Variants in LRRIQ1 observed in about 807,000 individuals in gnomAD.
The protein encoded by LRRIQ1 is leucine-rich repeat- and IQ domain-containing protein 1.
Under a neutral mutation model 211.9 loss-of-function variants are expected in LRRIQ1, and 210 were observed. That is an observed-to-expected ratio of 0.99 (90% CI 0.89 to 1.11). LRRIQ1 has a LOEUF of 1.11. Ranked by LOEUF, LRRIQ1 falls within the 50% of genes most tolerant of loss-of-function variation. The pLI is 0.00. For missense variants in LRRIQ1, 2,136 were observed against 1,939.5 expected, an observed-to-expected ratio of 1.10 and a Z score of -1.90; for synonymous variants, 699 against 650.1, an observed-to-expected ratio of 1.08 and a Z score of -1.14.
chr12:85,207,766 C>A (rs1384508811), intron 24 of LRRIQ1, among the ~76,000 whole-genome samples: 2 of 152,076 alleles, frequency 1.3e-5, no homozygotes, highest in Non-Finnish European at 2.9e-5. Context: ...GTTGTTCCGA[C>A]ATCATTTGAT....
At chr12:85,083,480 G>T (rs940474623) in intron 11 of LRRIQ1, among the ~76,000 whole-genome samples, 2 of 147,034 alleles carry the variant, frequency 1.4e-5, no homozygotes, top group African/African-American at 2.5e-5. Flanking sequence ...TCACTCTGTC[G>T]CCAGGCTGGA....
At chr12:85,071,707 C>T (rs1378392307) in intron 10 of LRRIQ1, among the ~76,000 whole-genome samples, 2 of 151,968 alleles carry the variant, frequency 1.3e-5, no homozygotes, top group Non-Finnish European at 2.9e-5. Context: ...CGGCTGGGGC[C>T]TCAAAATCAT....
intron 11 of LRRIQ1, among the ~76,000 whole-genome samples, chr12:85,093,700 A>G (rs1885617076): frequency 6.6e-6 from 1 of 152,222 alleles, no homozygotes; most frequent in Non-Finnish European, 1.5e-5. Context: ...AGAGAACAAT[A>G]ATTGTGTTCA....
the LRRIQ1 span, among the ~76,000 whole-genome samples, chr12:85,272,220 C>T: frequency 3.2e-4 from 49 of 152,052 alleles, no homozygotes; most frequent in African/African-American, 1.1e-3. Context: ...AGTTTATTTG[C>T]CAATATTTAT....
chr12:85,254,767 T>C (rs1896041752), intron 1 of LRRIQ1, among the ~76,000 whole-genome samples: 1 of 151,968 alleles, frequency 6.6e-6, no homozygotes, highest in Non-Finnish European at 1.5e-5. Context: ...TTCAAAGTAG[T>C]CACTACTCAT....
chr12:85,212,705 A>G (rs542579158), intron 24 of LRRIQ1, among the ~76,000 whole-genome samples: 56 of 150,286 alleles, frequency 3.7e-4, no homozygotes, highest in Non-Finnish European at 7.7e-4. Context: ...ATGTATGTAT[A>G]TGTATATATA....
chr12:85,147,268 T>C (rs1056236958), intron 19 of LRRIQ1, among the ~76,000 whole-genome samples: 2 of 151,714 alleles, frequency 1.3e-5, no homozygotes, highest in African/African-American at 4.8e-5. Context: ...GGGGCAAAAA[T>C]CCACGAGATG....
chr12:85,253,484 T>A (rs1174567321), intron 1 of LRRIQ1, among the ~76,000 whole-genome samples: 1 of 152,050 alleles, frequency 6.6e-6, no homozygotes, highest in Non-Finnish European at 1.5e-5. Context: ...TAAGGAACCT[T>A]TCAACACAAA....
chr12:85,157,265 G>C (rs2136701300), intron 23 of LRRIQ1, among the ~76,000 whole-genome samples: 1 of 151,980 alleles, frequency 6.6e-6, no homozygotes, highest in South Asian at 2.1e-4. Context: ...TGGTAGAAGT[G>C]AGACCATCTG....
At chr12:85,162,218 T>C (rs1232424079) in intron 24 of LRRIQ1, among the ~76,000 whole-genome samples, 2 of 152,108 alleles carry the variant, frequency 1.3e-5, no homozygotes, top group Non-Finnish European at 2.9e-5. Context: ...CCATTATCCA[T>C]GTCAAAACAC....
chr12:85,098,634 T>C (rs1214632719), intron 12 of LRRIQ1, 86 bp downstream of exon 12: 1 of 1,114,240 alleles, frequency 9.0e-7, no homozygotes, highest in Non-Finnish European at 1.3e-6. Context: ...AAAGCAATTT[T>C]GAATAATTAT....
At chr12:85,178,604 T>A (rs953317254) in intron 24 of LRRIQ1, among the ~76,000 whole-genome samples, 1 of 151,996 alleles carries the variant, frequency 6.6e-6, no homozygotes, top group East Asian at 1.9e-4. Context: ...ATTCTACTTA[T>A]CTTCAGTATT....
chr12:85,139,998 G>GA (rs1287135655), intron 19 of LRRIQ1, among the ~76,000 whole-genome samples: 24 of 140,554 alleles, frequency 1.7e-4, no homozygotes, highest in East Asian at 1.3e-3. Context: ...TTATTCTCAG[G>GA]AAAAAAAACT....
intron 12 of LRRIQ1, among the ~76,000 whole-genome samples, 155 bp from the exon 13 acceptor site, chr12:85,098,712 A>C (rs890090240): frequency 6.6e-6 from 1 of 152,048 alleles, no homozygotes; most frequent in African/African-American, 2.4e-5. Context: ...TAATTAATAG[A>C]AATTTTATTC....
chr12:85,187,725 C>G, intron 24 of LRRIQ1, among the ~76,000 whole-genome samples: 1 of 150,940 alleles, frequency 6.6e-6, no homozygotes, highest in Admixed American at 6.6e-5. Flanking sequence ...AGGAGAATCG[C>G]TTGAATCTGG....
Position 85,047,484 on chromosome 12 carries a change from G to C in LRRIQ1, c.678+14G>C. On this transcript the variant is annotated intron_variant, in intron 6 of 26. Coordinates refer to ENST00000393217, the MANE Select transcript of LRRIQ1 (RefSeq NM_001079910.2). ...AACATTCAGAAGGTATTTTGCTTTT[G>C]TTTTTCATGTATTTTTAAAATCAGT... 1 of 1,597,326 alleles carries C rather than the reference G, an allele frequency of 6.3e-7. No individual in the cohort carries two copies. The highest frequency in any genetic ancestry group is 1.3e-5 in the African/African-American group (1 of 74,196).
chr12:85,086,107 C>G (rs552693474), intron 11 of LRRIQ1, among the ~76,000 whole-genome samples: 1 of 152,212 alleles, frequency 6.6e-6, no homozygotes, highest in African/African-American at 2.4e-5. Context: ...TATTTTTTGA[C>G]TTTCTTACTA....
At chr12:85,175,273 A>T (rs1364079301) in intron 24 of LRRIQ1, among the ~76,000 whole-genome samples, 1 of 152,162 alleles carries the variant, frequency 6.6e-6, no homozygotes, top group African/African-American at 2.4e-5. Flanking sequence ...GTGAAAAGAG[A>T]TCTCAAGATG....
chr12:85,264,400 A>G (rs1896380367), exon 2 of LRRIQ1: 1 of 152,032 alleles, frequency 6.6e-6, no homozygotes, highest in African/African-American at 2.4e-5. Flanking sequence ...AATGGTGCTG[A>G]TGCTCCTAAA....
Sources: allele counts gnomAD v4.1 joint callset (sites outside exome capture counted in the v4.1 genomes callset), GRCh38; gene constraint gnomAD v4.1.1; transcripts MANE v1.5; gene names NCBI Gene and HGNC (gene_info 2026-07-23, HGNC 2026-07-21).